The following FGD6 variants were observed in gnomAD, a reference collection of about 807,000 sequenced individuals.
FGD6 encodes FYVE, RhoGEF and PH domain containing 6, also known as FYVE, RhoGEF and PH domain-containing protein 6.
A neutral mutation model predicts 149.4 loss-of-function variants in FGD6; 90 were observed. The ratio of observed to expected loss-of-function variants is 0.60; its 90% CI spans 0.51 to 0.72. The LOEUF (loss-of-function observed/expected upper bound fraction) is 0.72. Ranked by LOEUF, FGD6 falls within the 30% of genes least tolerant of loss-of-function variation. The pLI, the probability that FGD6 is intolerant of heterozygous loss-of-function variation, is 0.00. For synonymous variants in FGD6, 527 were observed against 584.0 expected (o/e 0.90, Z 1.41); for missense variants, 1,437 against 1,684.8 (o/e 0.85, Z 2.57).
At chr12:95,175,121 T>C (rs1217178475) in intron 2 of FGD6, among the ~76,000 whole-genome samples, 1 of 151,998 alleles carries the variant, frequency 6.6e-6, no homozygotes, top group African/African-American at 2.4e-5. Context: ...GCTTTAAATA[T>C]TAAAACTACA....
chr12:95,217,183 C>T (rs756439446), intron 1 of FGD6, 42 bp downstream of exon 1: 3 of 1,611,690 alleles, frequency 1.9e-6, no homozygotes, highest in East Asian at 4.5e-5. Flanking sequence ...TAGCAGCGCT[C>T]GCCACAAACT....
At chr12:95,108,647 A>G in intron 9 of FGD6, 86 bp from the exon 10 acceptor site, 1 of 1,487,510 alleles carries the variant, frequency 6.7e-7, no homozygotes, top group East Asian at 2.3e-5. Context: ...AGGGGACAAG[A>G]TAGCTAGTTT....
chr12:95,102,866 G>A (rs559407767), intron 14 of FGD6, among the ~76,000 whole-genome samples: 4 of 152,166 alleles, frequency 2.6e-5, no homozygotes, highest in African/African-American at 9.7e-5. Context: ...ATGTGTTATT[G>A]AACCTCTCTG....
chr12:95,117,867 C>A (rs1180003663), intron 8 of FGD6, among the ~76,000 whole-genome samples: 2 of 152,032 alleles, frequency 1.3e-5, no homozygotes, highest in Non-Finnish European at 2.9e-5. Flanking sequence ...CATGGTGAAA[C>A]CCTGTCTCTA....
chr12:95,100,075 T>C (rs1878374332), intron 14 of FGD6, among the ~76,000 whole-genome samples: 1 of 104,770 alleles, frequency 9.5e-6, no homozygotes, highest in Non-Finnish European at 2.0e-5. Context: ...CCCCACCCCA[T>C]ATAAGTTCTT....
At chr12:95,140,956 G>A (rs1460874838) in intron 6 of FGD6, among the ~76,000 whole-genome samples, 1 of 152,138 alleles carries the variant, frequency 6.6e-6, no homozygotes. Context: ...CAGGCATGGT[G>A]GCTCACACCT....
intron 5 of FGD6, among the ~76,000 whole-genome samples, chr12:95,151,462 T>C (rs979025197): frequency 2.6e-5 from 4 of 152,052 alleles, no homozygotes; most frequent in Non-Finnish European, 2.9e-5. Flanking sequence ...GAGATGGGTT[T>C]TAGCCATGTT....
chr12:95,188,905 A>G (rs903444502), intron 2 of FGD6, among the ~76,000 whole-genome samples: 1 of 152,134 alleles, frequency 6.6e-6, no homozygotes, highest in African/African-American at 2.4e-5. Context: ...CAAAATGCAA[A>G]GAAAGAAAAG....
At chr12:95,197,759 G>T (rs552314480) in intron 2 of FGD6, among the ~76,000 whole-genome samples, 1 of 152,310 alleles carries the variant, frequency 6.6e-6, no homozygotes, top group East Asian at 1.9e-4. Flanking sequence ...CAGCTCTCAT[G>T]TAAATCAGTG....
chr12:95,138,246 A>AAATAACTAACTC (rs796444898), intron 6 of FGD6, among the ~76,000 whole-genome samples: 2 of 143,870 alleles, frequency 1.4e-5, no homozygotes, highest in South Asian at 2.2e-4. Context: ...ATAAATAAAT[A>AAATAACTAACTC]ACTCACTCAC....
chr12:95,126,828 T>A (rs1303725251), intron 8 of FGD6, among the ~76,000 whole-genome samples: 2 of 151,816 alleles, frequency 1.3e-5, no homozygotes, highest in Non-Finnish European at 2.9e-5. Flanking sequence ...CTTGAGAGGC[T>A]TTGGTGGGAG....
chr12:95,158,607 G>A (rs904750800), intron 3 of FGD6, among the ~76,000 whole-genome samples: 23 of 151,810 alleles, frequency 1.5e-4, no homozygotes, highest in South Asian at 2.1e-4. Context: ...ACACACACAC[G>A]GATAACTGTT....
chr12:95,107,684 A>C (rs879603285), intron 11 of FGD6, 53 bp from the exon 12 acceptor site: 20 of 1,575,864 alleles, frequency 1.3e-5, no homozygotes, highest in Admixed American at 1.7e-5. Flanking sequence ...ACACAACGAC[A>C]ATATAATTTC....
chr12:95,153,835 G>A (rs138087502), intron 3 of FGD6, among the ~76,000 whole-genome samples: 1,738 of 151,842 alleles, frequency 0.011, 17 homozygotes, highest in South Asian at 0.028. Context: ...CAGGCTCTCC[G>A]AATTTCCTTA....
chr12:95,135,481 CA>C (rs1879639416), intron 7 of FGD6, among the ~76,000 whole-genome samples: 1 of 152,148 alleles, frequency 6.6e-6, no homozygotes, highest in African/African-American at 2.4e-5. Flanking sequence ...GGCTTGACTA[CA>C]AAGACATTTG....
At chr12:95,111,591 C>T (rs1878824922) in intron 9 of FGD6, among the ~76,000 whole-genome samples, 2 of 152,164 alleles carry the variant, frequency 1.3e-5, no homozygotes, top group Admixed American at 6.5e-5. Flanking sequence ...CATCTCCAGT[C>T]CTACTTTTTC....
chr12:95,108,972 T>C (rs900898054), intron 9 of FGD6, among the ~76,000 whole-genome samples: 1 of 152,096 alleles, frequency 6.6e-6, no homozygotes, highest in Non-Finnish European at 1.5e-5. Flanking sequence ...AAAAGGATCG[T>C]GAGGAAAAAG....
intron 2 of FGD6, among the ~76,000 whole-genome samples, chr12:95,193,359 A>ATT (rs766118976): frequency 4.1e-5 from 6 of 144,822 alleles, no homozygotes; most frequent in African/African-American, 1.5e-4. Context: ...ATCATGCTGA[A>ATT]TTTTTTTTTT....
chr12:95,190,255 C>T (rs748251031), intron 2 of FGD6, among the ~76,000 whole-genome samples: 28 of 152,140 alleles, frequency 1.8e-4, no homozygotes, highest in Non-Finnish European at 3.2e-4. Flanking sequence ...CTGCAACCTC[C>T]GCCTCCAGGG....
Sources: allele counts gnomAD v4.1 joint callset (sites outside exome capture counted in the v4.1 genomes callset), GRCh38; gene constraint gnomAD v4.1.1; transcripts MANE v1.5; gene names NCBI Gene and HGNC (gene_info 2026-07-23, HGNC 2026-07-21).